The following OSM variants were observed in gnomAD, a reference collection of about 807,000 sequenced individuals.
OSM encodes the protein oncostatin M.
OSM carries 1 observed loss-of-function variant against 6.3 expected under a neutral mutation model. The observed-to-expected ratio is 0.16, with a 90% CI of 0.06 to 0.76. The LOEUF is 0.76. OSM is among the 30% of genes least tolerant of loss of function. The probability of loss-of-function intolerance (pLI) is 0.77; values close to 1 mark genes in which losing one functional copy is unlikely to be tolerated. For missense variants in OSM, 324 were observed against 336.9 expected (o/e 0.96, Z 0.30); for synonymous variants, 135 against 143.4 (o/e 0.94, Z 0.42).
At chr22:30,264,765 ACT>A (rs1929346588) in intron 2 of OSM, among the ~76,000 whole-genome samples, 1 of 152,152 alleles carries the variant, frequency 6.6e-6, no homozygotes, top group Non-Finnish European at 1.5e-5. Context: ...CAGGAAACAC[ACT>A]GAGTAAGCAG....
intron 1 of OSM, 78 bp from the exon 2 acceptor site, chr22:30,265,222 G>A (rs1176403712): frequency 3.2e-6 from 5 of 1,553,056 alleles, no homozygotes; most frequent in Non-Finnish European, 4.4e-6. Flanking sequence ...GGGTTCAAGA[G>A]GGCCTTGAAA....
chr22:30,265,491 T>A, intron 1 of OSM: 1 of 864,492 alleles, frequency 1.2e-6, no homozygotes, highest in Non-Finnish European at 1.4e-6. Context: ...GAGCTGACTC[T>A]CTGCAAGGTG....
Position 30,263,970 on chromosome 22 carries a change from G to T in OSM, c.672C>A (p.Pro224=). The stretch of plus-strand genomic sequence containing the variant: ...GCACCCCCTTCCTCAGGGCCTGGTG[G>T]GGGCTGTGTCTCCGGCTCCGGTTCG... ...ESPNRSRRHS[P]HQALRKGVRR... Residue 224 remains proline, a synonymous_variant, in exon 3 of 3, where the codon CCC becomes CCA. Transcript: ENST00000215781. The T allele has an allele frequency of 6.5e-7, 1 of 1,540,666 alleles. No individual in the cohort carries two copies. Among genetic ancestry groups the T allele is most frequent in the African/African-American group, 1.4e-5 (1 of 72,726 alleles).
In OSM at chr22:30,266,770, C is replaced by T. The variant is rs770831672; in HGVS notation, c.30G>A (p.Leu10=). The change falls in exon 1 of 3, where the codon CTG becomes CTA. Residue 10 remains leucine, a synonymous_variant. Coordinates refer to ENST00000215781, the MANE Select transcript of OSM (RefSeq NM_020530.6). The surrounding 1 kb of genome is among the most constrained non-coding windows in gnomAD (Gnocchi z 5.0). MGVLLTQRT[L]LSLVLALLFP... is the part of the protein sequence containing the mutation. Reference sequence around the variant, plus strand: ...GGGGAGGAAGGAAGTACTTACTGAGCAGCGTCCTCTGTGTGAGCAGTACCC... The same window carrying T: ...GGGGAGGAAGGAAGTACTTACTGAGTAGCGTCCTCTGTGTGAGCAGTACCC... 4 of 1,613,262 alleles carry T rather than the reference C, an allele frequency of 2.5e-6. No individual in the cohort carries two copies. Among genetic ancestry groups the T allele is most frequent in the Admixed American group, 3.3e-5 (2 of 59,966 alleles).
rs2123849137 is a variant in OSM, at chr22:30,262,914, CTGATAAAAAT to C, written c.*959_*968del. 6.5e-6 allele frequency: 1 copy of C among 152,828 alleles called. No individual in the cohort carries two copies. The highest frequency in any genetic ancestry group is 1.9e-4 in the East Asian group (1 of 5,270). 9.5% of individuals were successfully genotyped at this position (152,828 alleles called of 1,614,324 possible). On this transcript the variant is annotated 3_prime_UTR_variant, in exon 3 of 3. Transcript: ENST00000215781. Reference sequence around the variant, plus strand: ...ATAAATAAGGCTTATAAATATAAAACTGATAAAAATTGATAAAAATCGATAAATTAGTCAT... The same window carrying C: ...ATAAATAAGGCTTATAAATATAAAACTGATAAAAATCGATAAATTAGTCAT...
chr22:30,265,158 G>C lies in OSM; in HGVS notation c.35-14C>G. The C allele has an allele frequency of 6.2e-7, 1 of 1,604,682 alleles. No individual in the cohort carries two copies. The highest frequency in any genetic ancestry group is 8.5e-7 in the Non-Finnish European group (1 of 1,172,392). On this transcript the variant is annotated splice_polypyrimidine_tract_variant and intron_variant, in intron 1 of 2. Transcript: ENST00000215781. ...CAAGGACCAGACCTAAGGCAGAGAA[G>C]AGGGGTGTCACCTGACTTGGTGAGG...
In OSM at chr22:30,265,198, G is replaced by C. The variant is rs878985527; in HGVS notation, c.35-54C>G. On this transcript the variant is annotated intron_variant, in intron 1 of 2. Coordinates refer to ENST00000215781, the MANE Select transcript of OSM (RefSeq NM_020530.6). ...ACTTGGTGAGGAAAGCCACAGATGG[G>C]AGCCTCGGGGAGGGGGTTCAAGAGG... 7 of 1,575,302 alleles carry C rather than the reference G, an allele frequency of 4.4e-6. No homozygotes were observed. In the East Asian group the frequency reaches 1.1e-4, roughly 25 times the overall value.
rs562502328 is a variant in OSM, at chr22:30,266,194, C to G, written c.34+572G>C. On this transcript the variant is annotated intron_variant, in intron 1 of 2. Transcript: ENST00000215781. The surrounding 1 kb of genome is among the most constrained non-coding windows in gnomAD (Gnocchi z 5.0). ...GTGGCTGTGCATCTGGGTCTGTGTG[C>G]GGCGTGAGGGAGACCTGTTCCGTTC... Among the ~76,000 whole-genome samples, 196 of 152,292 alleles carry G rather than the reference C, an allele frequency of 1.3e-3. 2 individuals are homozygous for G. Among genetic ancestry groups the G allele is most frequent in the Admixed American group, 1.6e-3 (25 of 15,302 alleles).
chr22:30,264,595 G>T, intron 2 of OSM, 131 bp from the exon 3 acceptor site: 1 of 796,726 alleles, frequency 1.3e-6, no homozygotes, highest in Non-Finnish European at 2.0e-6. Flanking sequence ...GGAAACTGAG[G>T]CCCGAGAGGG....
intron 1 of OSM, chr22:30,265,824 C>T: frequency 6.6e-6 from 1 of 152,532 alleles, no homozygotes; most frequent in East Asian, 1.9e-4. Context: ...CCTCCTCTCT[C>T]CATAAGTGGC....
rs1487020973 is a variant in OSM at position 30,264,443 on chromosome 22, C to T, written c.199G>A (p.Val67Ile). 5 of 1,605,908 alleles carry T rather than the reference C, an allele frequency of 3.1e-6. No individual in the cohort carries two copies. The highest frequency in any genetic ancestry group is 2.7e-5 in the African/African-American group (2 of 74,880). The part of the protein sequence containing the change: ...DPYIRIQGLD[V>I]PKLREHCRER... ...CTGCAGTGCTCTCTCAGTTTAGGAACATCCAGGCCTTGGATACGTATCTGG... is the reference window on the plus strand; with the variant it reads ...CTGCAGTGCTCTCTCAGTTTAGGAATATCCAGGCCTTGGATACGTATCTGG... The change falls in exon 3 of 3, where the codon GTT becomes ATT. Residue 67 changes from valine (V) to isoleucine (I), a missense_variant. Transcript: ENST00000215781.
At position 30,264,007 on chromosome 22, in the gene OSM, C is replaced by G. The variant is rs115760188; in HGVS notation, c.635G>C (p.Trp212Ser). Residue 212 changes from tryptophan to serine, a missense_variant, in exon 3 of 3, where the codon TGG becomes TCG. Transcript: ENST00000215781. ...MHSVGRVFSK[W>S]GESPNRSRRH... ...CCGGCTCCGGTTCGGGCTCTCCCCC[C>G]ACTTGCTGAAGACCCGCCCCACTGA... The G allele has an allele frequency of 5.5e-4, 851 of 1,559,536 alleles. 9 individuals carry two copies. The South Asian group carries it at 9.3e-3, about 17-fold the overall frequency.
Position 30,265,074 on chromosome 22 carries a change from G to A in OSM, c.105C>T (p.Tyr35=). ...TCTGGAGCTGGCCAAGGAGCACGCGGTACTCTTTCGAGCAGCTGCCTATAG... is the reference window on the plus strand; with the variant it reads ...TCTGGAGCTGGCCAAGGAGCACGCGATACTCTTTCGAGCAGCTGCCTATAG... The part of the protein sequence containing the change: ...MAAIGSCSKE[Y]RVLLGQLQKQ... The change falls in exon 2 of 3, where the codon TAC becomes TAT. Residue 35 remains tyrosine, a synonymous_variant. Coordinates refer to ENST00000215781, the MANE Select transcript of OSM (RefSeq NM_020530.6). The A allele has an allele frequency of 6.2e-7, 1 of 1,614,164 alleles. No homozygotes were observed.
In OSM at chr22:30,264,286, T is replaced by C. The variant is rs1929329604; in HGVS notation, c.356A>G (p.Lys119Arg). 3.1e-6 allele frequency: 5 copies of C among 1,614,118 alleles called. No individual in the cohort carries two copies. Among genetic ancestry groups the C allele is most frequent in the Non-Finnish European group, 4.2e-6 (5 of 1,180,038 alleles). ...CCCAGACCTCTCCAAATCCTGGGCC[T>C]TGGGGAGGCGCTGCTCTAAGTCGGC... is the stretch of plus-strand genomic sequence containing the variant. ...RLADLEQRLP[K>R]AQDLERSGLN... is the part of the protein sequence containing the mutation. Residue 119 changes from lysine (K) to arginine (R), a missense_variant, in exon 3 of 3, where the codon AAG becomes AGG. By Grantham distance (26) the Lys-to-Arg change is conservative (BLOSUM62 2). Coordinates refer to ENST00000215781, the MANE Select transcript of OSM (RefSeq NM_020530.6).
In OSM at chr22:30,263,614, A is replaced by G; in HGVS notation, c.*269T>C. On this transcript the variant is annotated 3_prime_UTR_variant, in exon 3 of 3. Transcript: ENST00000215781. ...CCTGTGTCATCAGACCCCTGAATCA[A>G]TGGAAAGTCGGTCCCGCGTGGCCCG... is the stretch of plus-strand genomic sequence containing the variant. The G allele has an allele frequency of 2.5e-6, 1 of 394,140 alleles. No homozygotes were observed. The highest frequency in any genetic ancestry group is 4.5e-6 in the Non-Finnish European group (1 of 222,304). The allele number at this position is 394,140 out of a possible 1,614,324, so 24.4% of individuals were successfully genotyped here. A position where few individuals can be genotyped will look rare whatever the true frequency, so the allele number is the denominator to read the frequency against.
Position 30,262,950 on chromosome 22 carries a change from G to GT in OSM, c.*932dup, listed in dbSNP as rs1929275742. ...TGATAAAAATCGATAAATTAGTCATGTCCCTCCAAGGAACTGGCCTCGCAG... is the reference window on the plus strand; with the variant it reads ...TGATAAAAATCGATAAATTAGTCATGTTCCCTCCAAGGAACTGGCCTCGCAG... On this transcript the variant is annotated 3_prime_UTR_variant, in exon 3 of 3. Coordinates refer to ENST00000215781, the MANE Select transcript of OSM (RefSeq NM_020530.6). 1 of 152,798 alleles carries GT rather than the reference G, an allele frequency of 6.5e-6. No homozygotes were observed. The highest frequency in any genetic ancestry group is 1.5e-5 in the Non-Finnish European group (1 of 68,040). The allele number at this position is 152,798 out of a possible 1,614,324, so 9.5% of individuals were successfully genotyped here.
At position 30,264,004 on chromosome 22, in the gene OSM, C is replaced by G. The variant is rs753080815; in HGVS notation, c.638G>C (p.Gly213Ala). The change falls in exon 3 of 3, where the codon GGG (glycine) becomes GCG (alanine). Residue 213 changes from glycine to alanine, a missense_variant. Coordinates refer to ENST00000215781, the MANE Select transcript of OSM (RefSeq NM_020530.6). ...TCTCCGGCTCCGGTTCGGGCTCTCC[C>G]CCCACTTGCTGAAGACCCGCCCCAC... ...HSVGRVFSKW[G>A]ESPNRSRRHS... The G allele has an allele frequency of 1.9e-6, 3 of 1,558,858 alleles. No individual in the cohort carries two copies. Among genetic ancestry groups the G allele is most frequent in the Non-Finnish European group, 2.6e-6 (3 of 1,150,634 alleles).
chr22:30,266,524 T>G lies in OSM; in HGVS notation c.34+242A>C, dbSNP rs1428814451. Among the ~76,000 whole-genome samples the G allele has an allele frequency of 3.3e-5, 5 of 152,096 alleles. No individual in the cohort carries two copies. Among genetic ancestry groups the G allele is most frequent in the African/African-American group, 1.2e-4 (5 of 41,398 alleles). On this transcript the variant is annotated intron_variant, in intron 1 of 2. Coordinates refer to ENST00000215781, the MANE Select transcript of OSM (RefSeq NM_020530.6). This position sits in a 1 kb window ranked among gnomAD's most constrained non-coding sequence, Gnocchi z 5.0. ...CCTGGTTCCCAGAGTTGCCTCTACATCTTGACATCACCTCCCCCTGGAAGC... is the reference window on the plus strand; with the variant it reads ...CCTGGTTCCCAGAGTTGCCTCTACAGCTTGACATCACCTCCCCCTGGAAGC...
chr22:30,265,084 G>C lies in OSM; in HGVS notation c.95C>G (p.Ser32Trp), dbSNP rs145124563. The change falls in exon 2 of 3, where the codon TCG (serine) becomes TGG (tryptophan). Residue 32 changes from serine to tryptophan, a missense_variant. Physicochemically the swap from Ser to Trp is radical, Grantham distance 177. Coordinates refer to ENST00000215781, the MANE Select transcript of OSM (RefSeq NM_020530.6). ...MASMAAIGSCSKEYRVLLGQL... is the reference protein window; with the variant it reads ...MASMAAIGSCWKEYRVLLGQL... Reference sequence around the variant, plus strand: ...GCCAAGGAGCACGCGGTACTCTTTCGAGCAGCTGCCTATAGCCGCCATGCT... The same window carrying C: ...GCCAAGGAGCACGCGGTACTCTTTCCAGCAGCTGCCTATAGCCGCCATGCT... 6.2e-7 allele frequency: 1 copy of C among 1,614,114 alleles called. No homozygotes were observed. The highest frequency in any genetic ancestry group is 8.5e-7 in the Non-Finnish European group (1 of 1,180,006).
Sources: gnomAD v4.1 joint callset for allele counts (sites outside exome capture counted in the v4.1 genomes callset) on GRCh38, gnomAD v4.1.1 for gene constraint, Gnocchi (gnomAD v3.1) non-coding constraint, MANE v1.5 for transcripts, NCBI Gene and HGNC (gene_info 2026-07-23, HGNC 2026-07-21) for gene names.